TAB2: variants seen among roughly 807,000 people sequenced by gnomAD.
TAB2 encodes TGF-beta activated kinase 1 (MAP3K7) binding protein 2.
Under a neutral mutation model 65.0 loss-of-function variants are expected in TAB2, and 3 were observed. That is an observed-to-expected ratio of 0.05 (90% CI 0.02 to 0.12). The LOEUF (loss-of-function observed/expected upper bound fraction) is 0.12, where lower values mean the gene tolerates loss of function less well. Among genes scored for constraint, TAB2 ranks in the 10% least tolerant of loss-of-function variants. The probability of loss-of-function intolerance (pLI) is 1.00; values close to 1 mark genes in which losing one functional copy is unlikely to be tolerated. For synonymous variants in TAB2, 298 were observed against 285.1 expected, an observed-to-expected ratio of 1.05 and a Z score of -0.46; for missense variants, 623 against 840.3, an observed-to-expected ratio of 0.74 and a Z score of 3.20.
intron 1 of TAB2, among the ~76,000 whole-genome samples, chr6:149,350,609 T>C (rs1038609270): frequency 7.1e-6 from 1 of 140,558 alleles, no homozygotes; most frequent in Admixed American, 8.3e-5. Flanking sequence ...ATGAACCATA[T>C]TTTATGTCTT....
At chr6:149,402,576 C>G (rs1259728519) in intron 6 of TAB2, among the ~76,000 whole-genome samples, 1 of 152,074 alleles carries the variant, frequency 6.6e-6, no homozygotes, top group Admixed American at 6.5e-5. Context: ...TAATACCAAC[C>G]CATCTTAAGC....
chr6:149,253,958 AAAAGAAAGAAAGAAAGAAAG>A lies in TAB2; in HGVS notation c.-121+35230_-121+35249del, dbSNP rs545364740. 2.2e-3 allele frequency among the ~76,000 whole-genome samples: 168 copies of A among 76,336 alleles called. 1 individual carries two copies. The highest frequency in any genetic ancestry group is 0.013 in the Middle Eastern group (2 of 156). 50.1% of individuals were successfully genotyped at this position (76,336 alleles called of 152,430 possible). ...AGAAAGAAAGAGAAAGAAAGAAAGA[AAAAGAAAGAAAGAAAGAAAG>A]AAAGAAAGAAAGAAAGAAAGAAAGA... On this transcript the variant is annotated intron_variant, in intron 1 of 1. Transcript: ENST00000606202.
rs1779079190 is a variant in TAB2, at chr6:149,306,694, G to C, written c.-120-71324G>C. Among the ~76,000 whole-genome samples, 4 of 152,176 alleles carry C rather than the reference G, an allele frequency of 2.6e-5. No individual in the cohort carries two copies. The South Asian group carries it at 8.3e-4, about 32-fold the overall frequency. ...TTGAACCCGGGAGGCAGAGGTTGCA[G>C]TGAGCAGAAATCACACCACTGAACT... On this transcript the variant is annotated intron_variant, in intron 1 of 1. Transcript: ENST00000606202.
intron 1 of TAB2, among the ~76,000 whole-genome samples, chr6:149,295,100 C>G (rs1165296806): frequency 6.6e-6 from 1 of 152,154 alleles, no homozygotes; most frequent in Non-Finnish European, 1.5e-5. Context: ...GAGTTTTCAT[C>G]TTGAGTGGAG....
At chr6:149,239,684 T>C (rs1462856512) in intron 1 of TAB2, among the ~76,000 whole-genome samples, 1 of 152,226 alleles carries the variant, frequency 6.6e-6, no homozygotes, top group African/African-American at 2.4e-5. Flanking sequence ...GGGTGAATTA[T>C]CTCCTGAACT....
chr6:149,284,439 T>C (rs1430049772), intron 1 of TAB2, among the ~76,000 whole-genome samples: 1 of 152,148 alleles, frequency 6.6e-6, no homozygotes, highest in Non-Finnish European at 1.5e-5. Context: ...GTGTTCTGTC[T>C]CTAGAACCCC....
intron 1 of TAB2, among the ~76,000 whole-genome samples, chr6:149,350,917 A>G (rs1024572031): frequency 6.6e-6 from 1 of 152,162 alleles, no homozygotes; most frequent in Admixed American, 6.5e-5. Context: ...AGGTCTTCTC[A>G]GATAAAGACC....
At chr6:149,337,966 T>A (rs748708024) in intron 1 of TAB2, among the ~76,000 whole-genome samples, 9 of 151,866 alleles carry the variant, frequency 5.9e-5, no homozygotes, top group Non-Finnish European at 1.3e-4. Context: ...TAAGAGAGAG[T>A]ATCAGGAAGA....
At chr6:149,357,425 A>AC (rs1407912213) in intron 1 of TAB2, among the ~76,000 whole-genome samples, 31 of 129,996 alleles carry the variant, frequency 2.4e-4, no homozygotes, top group African/African-American at 1.0e-3. Context: ...CAAGGAGAAA[A>AC]AAAAAACACA....
intron 1 of TAB2, among the ~76,000 whole-genome samples, chr6:149,241,626 G>T (rs1160450504): frequency 6.6e-6 from 1 of 152,080 alleles, no homozygotes; most frequent in Non-Finnish European, 1.5e-5. Context: ...TCAAAAGCAA[G>T]GCTGAACTCC....
chr6:149,394,578 C>G (rs970519789), intron 3 of TAB2, among the ~76,000 whole-genome samples: 48 of 152,110 alleles, frequency 3.2e-4, no homozygotes, highest in African/African-American at 1.0e-3. Flanking sequence ...GAGGACATCT[C>G]TTTTTCTTTC....
chr6:149,398,611 A>G (rs969689272), intron 5 of TAB2, among the ~76,000 whole-genome samples: 5 of 152,168 alleles, frequency 3.3e-5, no homozygotes, highest in Admixed American at 2.0e-4. Context: ...ATAGAAAAAT[A>G]CCATAATTTA....
intron 1 of TAB2, among the ~76,000 whole-genome samples, chr6:149,260,411 T>C (rs1778129226): frequency 6.6e-6 from 1 of 152,242 alleles, no homozygotes. Context: ...TACCGGGCAT[T>C]TGCTCAGCTA....
exon 1 of TAB2, chr6:149,218,734 A>T: frequency 4.4e-6 from 2 of 456,040 alleles, no homozygotes; most frequent in South Asian, 3.1e-5. Flanking sequence ...GAAGGATTTG[A>T]GACTAAGTTT....
chr6:149,226,716 C>G (rs1229709007), intron 1 of TAB2, among the ~76,000 whole-genome samples: 1 of 152,162 alleles, frequency 6.6e-6, no homozygotes, highest in Admixed American at 6.5e-5. Context: ...ATACTAGGTG[C>G]AAAAACAAAT....
chr6:149,276,437 T>C (rs1778476133), intron 1 of TAB2, among the ~76,000 whole-genome samples: 1 of 152,228 alleles, frequency 6.6e-6, no homozygotes, highest in Non-Finnish European at 1.5e-5. Flanking sequence ...GAAACATCTA[T>C]TTACTTTAAC....
intron 1 of TAB2, among the ~76,000 whole-genome samples, chr6:149,260,348 A>G (rs952618035): frequency 6.6e-6 from 1 of 152,226 alleles, no homozygotes; most frequent in African/African-American, 2.4e-5. Context: ...CGCGTGCTCC[A>G]GCGCAGCCTT....
At chr6:149,270,817 T>G (rs907581212) in intron 1 of TAB2, among the ~76,000 whole-genome samples, 8 of 152,186 alleles carry the variant, frequency 5.3e-5, no homozygotes, top group Non-Finnish European at 1.0e-4. Context: ...GTTTCTTCTC[T>G]TTTTTGGATC....
intron 1 of TAB2, among the ~76,000 whole-genome samples, chr6:149,238,195 A>G (rs1274422488): frequency 6.6e-6 from 1 of 152,148 alleles, no homozygotes; most frequent in Admixed American, 6.5e-5. Context: ...CTGCGTGTCC[A>G]GTGAAATAAC....
Sources: gnomAD v4.1 joint callset for allele counts (sites outside exome capture counted in the v4.1 genomes callset) on GRCh38, gnomAD v4.1.1 for gene constraint, MANE v1.5 for transcripts, NCBI Gene and HGNC (gene_info 2026-07-23, HGNC 2026-07-21) for gene names.